GRIK2: variants seen among roughly 807,000 people sequenced by gnomAD.
GRIK2 encodes glutamate receptor ionotropic, kainate 2.
Under a neutral mutation model 100.3 loss-of-function variants are expected in GRIK2, and 32 were observed. That is an observed-to-expected ratio of 0.32 (90% confidence interval 0.24 to 0.43). The LOEUF is 0.43. GRIK2 is among the 20% of genes least tolerant of loss of function. The probability of loss-of-function intolerance (pLI) is 1.00; values close to 1 mark genes in which losing one functional copy is unlikely to be tolerated. For missense variants in GRIK2, 843 were observed against 1,114.9 expected, an observed-to-expected ratio of 0.76 and a Z score of 3.47; for synonymous variants, 417 against 389.4, an observed-to-expected ratio of 1.07 and a Z score of -0.83.
Position 101,675,306 on chromosome 6 carries a change from CCACA to C in GRIK2, c.542-1299_542-1296del, listed in dbSNP as rs3056135. Among the ~76,000 whole-genome samples, 132 of 149,316 alleles carry C rather than the reference CCACA, an allele frequency of 8.8e-4. 2 individuals are homozygous for C. The highest frequency in any genetic ancestry group is 2.9e-3 in the African/African-American group (115 of 40,100). On this transcript the variant is annotated intron_variant, in intron 4 of 16. Coordinates refer to ENST00000369134, the MANE Select transcript of GRIK2 (RefSeq NM_021956.5). ...GCACGCACACGCAGACACACACACACCACACACACACACACACACACTCGAGAAA... is the reference window on the plus strand; with the variant it reads ...GCACGCACACGCAGACACACACACACCACACACACACACACACTCGAGAAA...
chr6:101,982,884 T>C (rs1793801863), intron 14 of GRIK2, among the ~76,000 whole-genome samples: 1 of 151,690 alleles, frequency 6.6e-6, no homozygotes, highest in Non-Finnish European at 1.5e-5. Flanking sequence ...ATGGTTTGGC[T>C]CCTCTCTTTA....
intron 14 of GRIK2, among the ~76,000 whole-genome samples, chr6:101,982,223 A>G (rs892393589): frequency 2.0e-5 from 3 of 151,848 alleles, no homozygotes; most frequent in Non-Finnish European, 4.4e-5. Context: ...TATCTTGAGT[A>G]TAGTCTTTTC....
intron 10 of GRIK2, among the ~76,000 whole-genome samples, chr6:101,833,953 G>T (rs960032194): frequency 2.0e-5 from 3 of 151,988 alleles, no homozygotes; most frequent in Admixed American, 1.3e-4. Flanking sequence ...GGATTATGAG[G>T]TTGTTTTATT....
In GRIK2 at chr6:102,035,375, C is replaced by A; in HGVS notation, c.2120C>A (p.Ala707Asp). 1 of 1,606,038 alleles carries A rather than the reference C, an allele frequency of 6.2e-7. No homozygotes were observed. The highest frequency in any genetic ancestry group is 8.5e-7 in the Non-Finnish European group (1 of 1,174,146). ...SKISTYDKMW[A>D]FMSSRRQSVL... ...ATCTCCACGTATGACAAAATGTGGG[C>A]CTTTATGAGTAGCAGAAGGCAGTCA... is the stretch of plus-strand genomic sequence containing the variant. The change falls in exon 15 of 17, where the codon GCC (alanine) becomes GAC (aspartate). Residue 707 changes from alanine (A) to aspartate (D), a missense_variant. By Grantham distance (126) the Ala-to-Asp change is moderately radical. Coordinates refer to ENST00000369134, the MANE Select transcript of GRIK2 (RefSeq NM_021956.5).
intron 7 of GRIK2, among the ~76,000 whole-genome samples, chr6:101,769,672 T>G (rs938419313): frequency 1.3e-5 from 2 of 152,194 alleles, no homozygotes; most frequent in Admixed American, 6.5e-5. Flanking sequence ...TACTTGTTTG[T>G]TCCAAATAAC....
chr6:101,943,840 G>T (rs1340816033), intron 14 of GRIK2, among the ~76,000 whole-genome samples: 1 of 152,168 alleles, frequency 6.6e-6, no homozygotes, highest in African/African-American at 2.4e-5. Flanking sequence ...ACTTGGATTG[G>T]ACTTTTGGGT....
chr6:101,776,789 G>T (rs1002276899), intron 7 of GRIK2, among the ~76,000 whole-genome samples: 3 of 152,166 alleles, frequency 2.0e-5, no homozygotes, highest in Admixed American at 6.5e-5. Flanking sequence ...AACACATTGT[G>T]TAGGGATCAG....
intron 2 of GRIK2, among the ~76,000 whole-genome samples, chr6:101,444,212 T>C (rs1009437150): frequency 2.0e-5 from 3 of 152,086 alleles, no homozygotes; most frequent in Admixed American, 2.0e-4. Context: ...TGCCACCACA[T>C]CCGACTCATC....
chr6:101,807,502 A>AT (rs1671098044), intron 9 of GRIK2, among the ~76,000 whole-genome samples: 1 of 152,018 alleles, frequency 6.6e-6, no homozygotes, highest in African/African-American at 2.4e-5. Context: ...ACAGGAAGGG[A>AT]GACAGCCTTC....
intron 2 of GRIK2, 130 bp downstream of exon 2, chr6:101,399,522 G>A (rs900470621): frequency 3.1e-6 from 2 of 638,196 alleles, no homozygotes; most frequent in Non-Finnish European, 5.7e-6. Flanking sequence ...CGTCTCCTGG[G>A]GCTTTTAAAG....
chr6:101,535,755 C>CT (rs1775660760), intron 2 of GRIK2, among the ~76,000 whole-genome samples: 1 of 151,484 alleles, frequency 6.6e-6, no homozygotes, highest in Non-Finnish European at 1.5e-5. Flanking sequence ...TGATTTTTCC[C>CT]TTTTTTTCAT....
At chr6:101,828,204 G>T (rs1327438940) in intron 10 of GRIK2, among the ~76,000 whole-genome samples, 1 of 151,768 alleles carries the variant, frequency 6.6e-6, no homozygotes, top group African/African-American at 2.4e-5. Context: ...GAAATTAAGG[G>T]AGAAATTTAA....
chr6:101,719,138 GTTTTTTTTTTTTTTTTTTTTTTTTTTT>G (rs60301711), intron 7 of GRIK2, among the ~76,000 whole-genome samples: 1 of 101,170 alleles, frequency 9.9e-6, no homozygotes, highest in African/African-American at 5.0e-5. Flanking sequence ...GGCTGCAAGG[GTTTTTTTTTTTTTTTTTTTTTTTTTTT>G]TTTTTTTTTT....
chr6:101,652,737 A>T (rs1004521034), intron 4 of GRIK2, among the ~76,000 whole-genome samples: 1 of 152,222 alleles, frequency 6.6e-6, no homozygotes, highest in Non-Finnish European at 1.5e-5. Context: ...CTGTAACAAT[A>T]CAAAGGAAAT....
intron 2 of GRIK2, among the ~76,000 whole-genome samples, chr6:101,537,632 AG>A (rs1475859102): frequency 6.6e-6 from 1 of 151,720 alleles, no homozygotes; most frequent in African/African-American, 2.4e-5. Context: ...ATGATGTGAG[AG>A]GATTTCAAAT....
chr6:101,649,911 A>G (rs776681836), intron 4 of GRIK2, among the ~76,000 whole-genome samples: 1 of 152,114 alleles, frequency 6.6e-6, no homozygotes, highest in Non-Finnish European at 1.5e-5. Context: ...GAAACTACAC[A>G]TTAGGACTGC....
At chr6:101,741,197 T>C (rs1027904973) in intron 7 of GRIK2, among the ~76,000 whole-genome samples, 7 of 151,568 alleles carry the variant, frequency 4.6e-5, no homozygotes, top group African/African-American at 1.7e-4. Context: ...GCCTAAGTGT[T>C]GGAATTTTAA....
At chr6:102,032,158 C>A (rs949562739) in intron 14 of GRIK2, among the ~76,000 whole-genome samples, 6 of 151,088 alleles carry the variant, frequency 4.0e-5, no homozygotes, top group African/African-American at 1.2e-4. Context: ...AAGAAGGGAC[C>A]CTCTGTCTGA....
chr6:101,639,887 A>AT (rs1370189976), intron 4 of GRIK2, among the ~76,000 whole-genome samples: 7 of 152,236 alleles, frequency 4.6e-5, no homozygotes, highest in Middle Eastern at 3.4e-3. Context: ...CAAACAAATA[A>AT]TTTTTTTGCA....
Sources: gnomAD v4.1 joint callset for allele counts (sites outside exome capture counted in the v4.1 genomes callset) on GRCh38, gnomAD v4.1.1 for gene constraint, MANE v1.5 for transcripts, NCBI Gene and HGNC (gene_info 2026-07-23, HGNC 2026-07-21) for gene names.